Variants in RPRD1B observed in about 807,000 individuals in gnomAD.
The protein encoded by RPRD1B is regulation of nuclear pre-mRNA domain-containing protein 1B.
Under a neutral mutation model 41.5 loss-of-function variants are expected in RPRD1B, and 11 were observed. That is an observed-to-expected ratio of 0.27 (90% confidence interval 0.17 to 0.44). The LOEUF is 0.44. Among genes scored for constraint, RPRD1B ranks in the 20% least tolerant of loss-of-function variants. RPRD1B has a pLI of 1.00. For synonymous variants in RPRD1B, 158 were observed against 155.6 expected, an observed-to-expected ratio of 1.02 and a Z score of -0.12; for missense variants, 248 against 389.9, an observed-to-expected ratio of 0.64 and a Z score of 3.06.
At chr20:38,056,064 T>G (rs1454402489) in intron 3 of RPRD1B, among the ~76,000 whole-genome samples, 1 of 152,156 alleles carries the variant, frequency 6.6e-6, no homozygotes, top group Non-Finnish European at 1.5e-5. Flanking sequence ...CCTGTCTCCT[T>G]TTTTTGTAAT....
intron 6 of RPRD1B, chr20:38,070,705 T>C (rs2074403687): frequency 2.0e-6 from 2 of 982,988 alleles, no homozygotes; most frequent in Middle Eastern, 1.0e-3. Context: ...AGAAAAAAGG[T>C]CAGGAACCTG....
intron 6 of RPRD1B, among the ~76,000 whole-genome samples, chr20:38,079,469 T>C (rs537575793): frequency 6.6e-6 from 1 of 152,202 alleles, no homozygotes; most frequent in Admixed American, 6.5e-5. Flanking sequence ...TGAGTTCATG[T>C]GTTCTCAATG....
chr20:38,065,130 T>G (rs2074341340), intron 5 of RPRD1B, among the ~76,000 whole-genome samples: 2 of 152,242 alleles, frequency 1.3e-5, no homozygotes. Context: ...AAAAACCTCT[T>G]TCTTATCAGA....
chr20:38,080,422 G>A (rs114709878), intron 6 of RPRD1B, among the ~76,000 whole-genome samples: 388 of 152,352 alleles, frequency 2.5e-3, no homozygotes, highest in African/African-American at 8.8e-3. Context: ...CATATGGATA[G>A]CCAGCTATCC....
At chr20:38,048,041 G>A (rs761334125) in intron 2 of RPRD1B, among the ~76,000 whole-genome samples, 15 of 151,942 alleles carry the variant, frequency 9.9e-5, no homozygotes, top group Non-Finnish European at 1.5e-4. Flanking sequence ...TTTAATTAAC[G>A]TCTTCTTAAA....
At chr20:38,037,943 A>T (rs1434311101) in intron 1 of RPRD1B, among the ~76,000 whole-genome samples, 1 of 152,076 alleles carries the variant, frequency 6.6e-6, no homozygotes, top group Non-Finnish European at 1.5e-5. Context: ...TTTGCTTTCG[A>T]ATCTGCTAAC....
intron 4 of RPRD1B, among the ~76,000 whole-genome samples, chr20:38,059,143 T>A (rs1179173247): frequency 6.6e-6 from 1 of 152,196 alleles, no homozygotes; most frequent in East Asian, 1.9e-4. Context: ...TCTTTTAGAA[T>A]TAAAAAATAA....
intron 6 of RPRD1B, among the ~76,000 whole-genome samples, chr20:38,077,807 C>G (rs2074478291): frequency 6.6e-6 from 1 of 152,176 alleles, no homozygotes; most frequent in Non-Finnish European, 1.5e-5. Flanking sequence ...ATGATGTGTT[C>G]AGAATGCAGC....
At position 38,089,948 on chromosome 20, in the gene RPRD1B, T is replaced by G; in HGVS notation, c.*73T>G. The G allele has an allele frequency of 1.9e-6, 3 of 1,564,888 alleles. No homozygotes were observed. Among genetic ancestry groups the G allele is most frequent in the Non-Finnish European group, 2.6e-6 (3 of 1,156,958 alleles). Reference sequence around the variant, plus strand: ...GGGCAAGTCATGGTTGGAAATAACCTTCTAGCCCCTGGTTCTATCCCTTCT... The same window carrying G: ...GGGCAAGTCATGGTTGGAAATAACCGTCTAGCCCCTGGTTCTATCCCTTCT... On this transcript the variant is annotated 3_prime_UTR_variant, in exon 7 of 7. Transcript: ENST00000373433.
chr20:38,070,342 A>G, intron 6 of RPRD1B: 1 of 985,520 alleles, frequency 1.0e-6, no homozygotes, highest in South Asian at 4.7e-5. Flanking sequence ...AAAACCTAGA[A>G]ATGGAGAAGG....
chr20:38,083,463 ACT>A (rs1192580631), intron 6 of RPRD1B, among the ~76,000 whole-genome samples: 1 of 152,208 alleles, frequency 6.6e-6, no homozygotes, highest in Non-Finnish European at 1.5e-5. Flanking sequence ...TAGTATAGAC[ACT>A]GACTTTTCAT....
chr20:38,035,964 C>T (rs2073999149), intron 1 of RPRD1B, among the ~76,000 whole-genome samples: 1 of 151,990 alleles, frequency 6.6e-6, no homozygotes, highest in Non-Finnish European at 1.5e-5. Flanking sequence ...TGGGGTTTCA[C>T]TGTGTTAGCC....
chr20:38,074,475 T>G (rs549224660), intron 6 of RPRD1B, among the ~76,000 whole-genome samples: 10 of 152,200 alleles, frequency 6.6e-5, no homozygotes, highest in African/African-American at 9.6e-5. Context: ...CTTTGAGACT[T>G]TACATTGAAA....
chr20:38,059,660 A>C, intron 5 of RPRD1B, 140 bp downstream of exon 5: 1 of 741,230 alleles, frequency 1.3e-6, no homozygotes, highest in Non-Finnish European at 2.1e-6. Flanking sequence ...GGGATTTGCA[A>C]ACATAACTCA....
At chr20:38,082,777 C>T (rs2074526377) in intron 6 of RPRD1B, among the ~76,000 whole-genome samples, 1 of 152,176 alleles carries the variant, frequency 6.6e-6, no homozygotes, top group Non-Finnish European at 1.5e-5. Flanking sequence ...TGCTAAGAAA[C>T]ATAACCTTAT....
intron 6 of RPRD1B, among the ~76,000 whole-genome samples, chr20:38,082,473 G>A (rs929567041): frequency 6.6e-6 from 1 of 152,046 alleles, no homozygotes; most frequent in African/African-American, 2.4e-5. Context: ...TGCAAGCCCC[G>A]CCTCCCAGAT....
intron 1 of RPRD1B, among the ~76,000 whole-genome samples, chr20:38,037,089 C>T (rs373274386): frequency 2.6e-5 from 4 of 152,194 alleles, no homozygotes; most frequent in African/African-American, 7.2e-5. Flanking sequence ...AAGTCATTTT[C>T]CGTAGCTGAG....
At chr20:38,068,268 C>T (rs1408797298) in intron 6 of RPRD1B, among the ~76,000 whole-genome samples, 1 of 152,236 alleles carries the variant, frequency 6.6e-6, no homozygotes, top group Non-Finnish European at 1.5e-5. Flanking sequence ...CCACTGGAAC[C>T]AACGTACAGA....
intron 3 of RPRD1B, chr20:38,049,716 T>C (rs1205533295): frequency 4.2e-6 from 2 of 471,094 alleles, no homozygotes; most frequent in African/African-American, 2.0e-5. Context: ...GTTACTTGGC[T>C]TCTGGTTAGT....
Sources: gnomAD v4.1 joint callset for allele counts (sites outside exome capture counted in the v4.1 genomes callset) on GRCh38, gnomAD v4.1.1 for gene constraint, MANE v1.5 for transcripts, NCBI Gene and HGNC (gene_info 2026-07-23, HGNC 2026-07-21) for gene names.